MARS1: variants seen among roughly 807,000 people sequenced by gnomAD.
MARS1 encodes methionine--tRNA ligase, cytoplasmic.
A neutral mutation model predicts 119.5 loss-of-function variants in MARS1; 80 were observed. The observed-to-expected ratio is 0.67, with a 90% CI of 0.56 to 0.81. The LOEUF is 0.81. Ranked by LOEUF, MARS1 falls within the 30% of genes least tolerant of loss-of-function variation. The pLI is 0.00. For synonymous variants in MARS1, 418 were observed against 433.4 expected, an observed-to-expected ratio of 0.96 and a Z score of 0.44; for missense variants, 945 against 1,116.5, an observed-to-expected ratio of 0.85 and a Z score of 2.19.
Position 57,499,067 on chromosome 12 carries a change from G to A in MARS1, c.1091+444G>A, listed in dbSNP as rs538148230. ...GGGAGGCCGAGGCGGGCGGCTCACC[G>A]GAGGTCAGGAGTTCAAGACCAGCCT... On this transcript the variant is annotated intron_variant, in intron 9 of 20. Coordinates refer to ENST00000262027, the MANE Select transcript of MARS1 (RefSeq NM_004990.4). Among the ~76,000 whole-genome samples, 14 of 127,854 alleles carry A rather than the reference G, an allele frequency of 1.1e-4. 1 individual carries two copies. The South Asian group carries it at 3.1e-3, about 28-fold the overall frequency. The allele number at this position is 127,854 out of a possible 152,430, so 83.9% of individuals were successfully genotyped here.
intron 7 of MARS1, among the ~76,000 whole-genome samples, chr12:57,495,816 C>G (rs981730182): frequency 1.2e-4 from 18 of 151,912 alleles, no homozygotes; most frequent in African/African-American, 4.3e-4. Flanking sequence ...CCGGCCAACA[C>G]GGCGAAACCC....
At chr12:57,504,495 C>T (rs755862654) in intron 11 of MARS1, among the ~76,000 whole-genome samples, 196 bp downstream of exon 11, 22 of 152,096 alleles carry the variant, frequency 1.4e-4, no homozygotes, top group Admixed American at 7.2e-4. Context: ...GAGGTATTTA[C>T]TACTTTTTCC....
intron 7 of MARS1, among the ~76,000 whole-genome samples, chr12:57,495,009 T>C (rs1876517733): frequency 6.6e-6 from 1 of 152,326 alleles, no homozygotes; most frequent in Admixed American, 6.5e-5. Context: ...CCGTTCTCAG[T>C]GAGCTGCTGG....
intron 11 of MARS1, 98 bp downstream of exon 11, chr12:57,504,397 T>A (rs1877080318): frequency 7.5e-6 from 7 of 939,228 alleles, no homozygotes; most frequent in Non-Finnish European, 1.2e-5. Context: ...TTAAAAGTTT[T>A]AAATTTCCAT....
At chr12:57,514,098 C>T (rs1052392230) in intron 15 of MARS1, among the ~76,000 whole-genome samples, 1 of 149,546 alleles carries the variant, frequency 6.7e-6, no homozygotes, top group Non-Finnish European at 1.5e-5. Context: ...AAGTACTTGC[C>T]TAGAGTGTTT....
Position 57,488,157 on chromosome 12 carries a change from C to T in MARS1, c.67C>T (p.Arg23Trp). The change falls in exon 1 of 21, where the codon CGG becomes TGG. Residue 23 changes from arginine (R) to tryptophan (W), a missense_variant. Physicochemically the swap from Arg to Trp is moderately radical, Grantham distance 101. Transcript: ENST00000262027. ...GGTGCTGGCCGCCGCCGGGAGAGCC[C>T]GGGGCAGAGCAGAGGTGCTCATCAG... Reference protein sequence around the residue: ...LPVLAAAGRARGRAEVLISTV... With the variant: ...LPVLAAAGRAWGRAEVLISTV... 6.2e-7 allele frequency: 1 copy of T among 1,614,124 alleles called. No individual in the cohort carries two copies. The highest frequency in any genetic ancestry group is 8.5e-7 in the Non-Finnish European group (1 of 1,180,028).
Position 57,516,553 on chromosome 12 carries a change from A to G in MARS1, c.2675A>G (p.Glu892Gly). The G allele has an allele frequency of 6.3e-7, 1 of 1,595,260 alleles. No individual in the cohort carries two copies. Among genetic ancestry groups the G allele is most frequent in the Non-Finnish European group, 8.5e-7 (1 of 1,174,774 alleles). The stretch of plus-strand genomic sequence containing the variant: ...GCTGTAGCTGAGGGGAAACCCCCTG[A>G]AGCCCCTAAAGGCAAGAAGAAAAAG... ...QLAVAEGKPP[E>G]APKGKKKK Residue 892 changes from glutamate to glycine, a missense_variant, in exon 21 of 21, where the codon GAA (glutamate) becomes GGA (glycine). By Grantham distance (98) the Glu-to-Gly change is moderately conservative (BLOSUM62 -2). Transcript: ENST00000262027.
At chr12:57,502,730 C>A (rs1669292) in intron 10 of MARS1, among the ~76,000 whole-genome samples, 69,454 of 125,300 alleles carry the variant, frequency 0.55, 18,770 homozygotes, top group Middle Eastern at 0.7. Context: ...AAAGCAACAA[C>A]AACAAAAAAA....
intron 8 of MARS1, 62 bp from the exon 9 acceptor site, chr12:57,498,358 G>T (rs1876743334): frequency 6.3e-7 from 1 of 1,595,572 alleles, no homozygotes; most frequent in Non-Finnish European, 8.6e-7. Context: ...GGGCTGGGGA[G>T]ATCCCAAGGA....
At chr12:57,493,774 A>ATATT (rs1876341986) in intron 7 of MARS1, among the ~76,000 whole-genome samples, 3 of 2,822 alleles carry the variant, frequency 1.1e-3, no homozygotes, top group African/African-American at 4.1e-3. Context: ...TATTATATAT[A>ATATT]ATATATATTA....
chr12:57,493,038 G>T (rs1279132176), intron 7 of MARS1, among the ~76,000 whole-genome samples: 1 of 151,738 alleles, frequency 6.6e-6, no homozygotes, highest in East Asian at 1.9e-4. Context: ...TTGCAGAGAG[G>T]AGTTCTGCCT....
intron 18 of MARS1, 71 bp downstream of exon 18, chr12:57,515,407 G>GGTCTTCTCTC: frequency 2.8e-6 from 4 of 1,450,680 alleles, no homozygotes; most frequent in Non-Finnish European, 3.8e-6. Flanking sequence ...GGTGAGAGAA[G>GGTCTTCTCTC]ACCTAACATC....
At chr12:57,498,390 C>T (rs772551235) in intron 8 of MARS1, 30 bp from the exon 9 acceptor site, 2 of 1,607,390 alleles carry the variant, frequency 1.2e-6, no homozygotes, top group Non-Finnish European at 1.7e-6. Flanking sequence ...TGAAGCGGGG[C>T]CCCCTAGCGA....
intron 11 of MARS1, among the ~76,000 whole-genome samples, chr12:57,507,757 A>AC (rs1270346397): frequency 9.7e-6 from 1 of 103,596 alleles, no homozygotes; most frequent in Non-Finnish European, 1.9e-5. Flanking sequence ...GCGGGGGCTG[A>AC]CCCCCCACCT....
At chr12:57,511,054 C>T (rs1165240472) in intron 11 of MARS1, among the ~76,000 whole-genome samples, 1 of 151,504 alleles carries the variant, frequency 6.6e-6, no homozygotes, top group Non-Finnish European at 1.5e-5. Flanking sequence ...GCCTGGGTGA[C>T]AGTGAGACCC....
chr12:57,511,872 A>C lies in MARS1; in HGVS notation c.1539+4A>C. The C allele has an allele frequency of 6.2e-7, 1 of 1,613,670 alleles. No individual in the cohort carries two copies. The highest frequency in any genetic ancestry group is 1.1e-5 in the South Asian group (1 of 91,026). ...CTTAGAAGGTTTTGAAGACAAGGTA[A>C]AAACCCTTTTTTATTCATATCATTC... On this transcript the variant is annotated splice_donor_region_variant and intron_variant, in intron 12 of 20. Transcript: ENST00000262027.
intron 10 of MARS1, 59 bp from the exon 11 acceptor site, chr12:57,504,166 G>T: frequency 8.3e-7 from 1 of 1,204,850 alleles, no homozygotes; most frequent in Non-Finnish European, 1.2e-6. Context: ...TCCTCCCCTT[G>T]CCTGGACCCC....
intron 7 of MARS1, among the ~76,000 whole-genome samples, chr12:57,495,222 C>G (rs941372730): frequency 2.0e-5 from 3 of 150,744 alleles, no homozygotes; most frequent in Non-Finnish European, 3.0e-5. Context: ...GGCGCTGCCC[C>G]CCACCTTCCT....
At chr12:57,510,125 C>T (rs1269505813) in intron 11 of MARS1, among the ~76,000 whole-genome samples, 2 of 152,080 alleles carry the variant, frequency 1.3e-5, no homozygotes, top group African/African-American at 4.8e-5. Flanking sequence ...TATCCTTTTG[C>T]TTCAGCCTTC....
Sources: allele counts gnomAD v4.1 joint callset (sites outside exome capture counted in the v4.1 genomes callset), GRCh38; gene constraint gnomAD v4.1.1; transcripts MANE v1.5; gene names NCBI Gene and HGNC (gene_info 2026-07-23, HGNC 2026-07-21).